Variants in CMTM8 observed in about 807,000 individuals in gnomAD.
CMTM8 encodes CKLF-like MARVEL transmembrane domain-containing protein 8.
Under a neutral mutation model 18.6 loss-of-function variants are expected in CMTM8, and 12 were observed. That is an observed-to-expected ratio of 0.65 (90% confidence interval 0.41 to 1.05). CMTM8 has a LOEUF of 1.05. Ranked by LOEUF, CMTM8 falls within the 50% of genes least tolerant of loss-of-function variation. CMTM8 has a pLI of 0.00. For synonymous variants in CMTM8, 87 were observed against 90.6 expected, an observed-to-expected ratio of 0.96 and a Z score of 0.23; for missense variants, 217 against 227.2, an observed-to-expected ratio of 0.95 and a Z score of 0.29.
At chr3:32,338,963 T>C (rs976424876) in intron 1 of CMTM8, among the ~76,000 whole-genome samples, 2 of 152,212 alleles carry the variant, frequency 1.3e-5, no homozygotes, top group African/African-American at 4.8e-5. Context: ...GGCTGGCAAG[T>C]TGGTGCTGGC....
intron 1 of CMTM8, among the ~76,000 whole-genome samples, chr3:32,246,962 G>T (rs572401035): frequency 6.6e-6 from 1 of 152,080 alleles, no homozygotes; most frequent in Non-Finnish European, 1.5e-5. Flanking sequence ...TCAGCTGGGC[G>T]TAGTGGCAGG....
intron 1 of CMTM8, among the ~76,000 whole-genome samples, chr3:32,260,665 A>G (rs1208876616): frequency 9.2e-6 from 1 of 108,718 alleles, no homozygotes; most frequent in Non-Finnish European, 1.8e-5. Context: ...TGATTTTTTT[A>G]AAGTTTTTTT....
intron 1 of CMTM8, among the ~76,000 whole-genome samples, chr3:32,266,791 G>A (rs1235637935): frequency 6.6e-6 from 1 of 152,120 alleles, no homozygotes; most frequent in African/African-American, 2.4e-5. Context: ...AAAATCACAG[G>A]CATTCTTATA....
rs900314716 is a variant in CMTM8, at chr3:32,238,847, A to T, written c.-126A>T. ...AGCCCCCGGCGGGCGCCCCCCTCGC[A>T]CCTCCTGCCCCGCGCGGGCCGCGCT... On this transcript the variant is annotated 5_prime_UTR_variant, in exon 1 of 4. Transcript: ENST00000307526. 3 of 808,996 alleles carry T rather than the reference A, an allele frequency of 3.7e-6. No individual in the cohort carries two copies. Among genetic ancestry groups the T allele is most frequent in the Non-Finnish European group, 5.0e-6 (3 of 603,342 alleles). 50.1% of individuals were successfully genotyped at this position (808,996 alleles called of 1,614,324 possible).
intron 1 of CMTM8, among the ~76,000 whole-genome samples, chr3:32,342,115 G>T (rs1028575270): frequency 6.6e-6 from 1 of 151,174 alleles, no homozygotes; most frequent in Non-Finnish European, 1.5e-5. Context: ...GGGCGTGGTG[G>T]CATGCGCTTG....
At chr3:32,303,834 T>G (rs1018012525) in intron 1 of CMTM8, among the ~76,000 whole-genome samples, 3 of 152,230 alleles carry the variant, frequency 2.0e-5, no homozygotes, top group Non-Finnish European at 4.4e-5. Context: ...CTGACATTTA[T>G]TCCCTAGGTA....
intron 1 of CMTM8, among the ~76,000 whole-genome samples, chr3:32,347,275 G>C (rs1275911221): frequency 7.4e-6 from 1 of 134,462 alleles, no homozygotes; most frequent in East Asian, 2.4e-4. Context: ...TTGTTTTTTG[G>C]TTTTTGGTTT....
At chr3:32,351,803 A>G (rs1018121612) in intron 1 of CMTM8, among the ~76,000 whole-genome samples, 3 of 152,184 alleles carry the variant, frequency 2.0e-5, no homozygotes, top group African/African-American at 7.2e-5. Flanking sequence ...AATATTTGCC[A>G]CATATATAGT....
chr3:32,300,439 A>G (rs538394277), intron 1 of CMTM8, among the ~76,000 whole-genome samples: 2 of 152,246 alleles, frequency 1.3e-5, no homozygotes, highest in South Asian at 2.1e-4. Context: ...TTTGGTTTCC[A>G]TGATCTCCAT....
rs116010893 is a variant in CMTM8 at position 32,245,887 on chromosome 3, C to G, written c.147+6768C>G. Among the ~76,000 whole-genome samples, 1,253 of 152,244 alleles carry G rather than the reference C, an allele frequency of 8.2e-3. 13 individuals are homozygous for G. The highest frequency in any genetic ancestry group is 0.029 in the African/African-American group (1,190 of 41,538). ...TGATCTTAGCTCACTGCAACCTTAG[C>G]TCACTGCAACCTCTGACTCTCAGGT... On this transcript the variant is annotated intron_variant, in intron 1 of 3. Transcript: ENST00000307526.
chr3:32,324,339 C>G (rs1032917518), intron 1 of CMTM8, among the ~76,000 whole-genome samples: 2 of 152,142 alleles, frequency 1.3e-5, no homozygotes, highest in Non-Finnish European at 2.9e-5. Flanking sequence ...TCCAAAAATG[C>G]TTTCAAGTTA....
chr3:32,272,511 G>T (rs966621001), intron 1 of CMTM8, among the ~76,000 whole-genome samples: 1 of 151,978 alleles, frequency 6.6e-6, no homozygotes, highest in African/African-American at 2.4e-5. Flanking sequence ...TCAACTCTGG[G>T]TTCCTGGGCT....
intron 1 of CMTM8, among the ~76,000 whole-genome samples, chr3:32,311,924 G>A (rs552828381): frequency 3.9e-5 from 6 of 152,278 alleles, no homozygotes; most frequent in East Asian, 3.9e-4. Flanking sequence ...ACTGCAGCCC[G>A]GGAAGCACTG....
At chr3:32,239,204 C>T (rs1277875534) in intron 1 of CMTM8, 85 bp downstream of exon 1, 3 of 1,441,994 alleles carry the variant, frequency 2.1e-6, no homozygotes, top group Non-Finnish European at 1.9e-6. Context: ...ATGGAGCCTG[C>T]TCAGATCTTC....
At chr3:32,320,767 G>A (rs1696028732) in intron 1 of CMTM8, among the ~76,000 whole-genome samples, 1 of 152,084 alleles carries the variant, frequency 6.6e-6, no homozygotes, top group Non-Finnish European at 1.5e-5. Flanking sequence ...GGGATATGCT[G>A]GGTAATATAA....
At chr3:32,338,427 C>T (rs757746885) in intron 1 of CMTM8, among the ~76,000 whole-genome samples, 1 of 152,104 alleles carries the variant, frequency 6.6e-6, no homozygotes, top group Non-Finnish European at 1.5e-5. Context: ...TGTTAAGAAA[C>T]CAACTCTGCT....
intron 1 of CMTM8, among the ~76,000 whole-genome samples, chr3:32,251,119 G>A (rs145685181): frequency 1.6e-4 from 24 of 152,240 alleles, no homozygotes; most frequent in African/African-American, 5.5e-4. Flanking sequence ...TTGCCAACTT[G>A]TTTGGGGTGG....
chr3:32,267,855 T>C (rs1702371636), intron 1 of CMTM8, among the ~76,000 whole-genome samples: 1 of 152,210 alleles, frequency 6.6e-6, no homozygotes, highest in South Asian at 2.1e-4. Flanking sequence ...ATGCTCATCA[T>C]CACTGGCCAT....
Position 32,319,057 on chromosome 3 carries a change from C to CATATATATATATAT in CMTM8, c.148-38311_148-38298dup, listed in dbSNP as rs1553605520. Among the ~76,000 whole-genome samples the CATATATATATATAT allele has an allele frequency of 3.4e-3, 154 of 45,816 alleles. 3 individuals are homozygous for CATATATATATATAT. The highest frequency in any genetic ancestry group is 5.8e-3 in the East Asian group (6 of 1,032). The allele number at this position is 45,816 out of a possible 152,430, so 30.1% of individuals were successfully genotyped here. A position where few individuals can be genotyped will look rare whatever the true frequency, so the allele number is the denominator to read the frequency against. On this transcript the variant is annotated intron_variant, in intron 1 of 3. Coordinates refer to ENST00000307526, the MANE Select transcript of CMTM8 (RefSeq NM_178868.5). ...AAATTTATATATATGTGTGTATATA[C>CATATATATATATAT]ATATATATATATATATATTTTTTTT...
Sources: gnomAD v4.1 joint callset for allele counts (sites outside exome capture counted in the v4.1 genomes callset) on GRCh38, gnomAD v4.1.1 for gene constraint, MANE v1.5 for transcripts, NCBI Gene and HGNC (gene_info 2026-07-23, HGNC 2026-07-21) for gene names.